Variants in DTNA observed in about 807,000 individuals in gnomAD.
DTNA encodes the protein dystrobrevin alpha.
A neutral mutation model predicts 100.7 loss-of-function variants in DTNA; 43 were observed. That is an observed-to-expected ratio of 0.43 (90% confidence interval 0.33 to 0.55). The LOEUF is 0.55. Among genes scored for constraint, DTNA ranks in the 20% least tolerant of loss-of-function variants. DTNA has a pLI of 0.04. For missense variants in DTNA, 798 were observed against 953.9 expected (o/e 0.84, Z 2.15); for synonymous variants, 349 against 347.9 (o/e 1.00, Z -0.04).
intron 1 of DTNA, among the ~76,000 whole-genome samples, chr18:34,636,204 G>A (rs559937063): frequency 3.9e-5 from 6 of 152,228 alleles, no homozygotes; most frequent in East Asian, 1.9e-4. Context: ...GGAGTGCAGC[G>A]GCATGATCTC....
intron 4 of DTNA, among the ~76,000 whole-genome samples, chr18:34,800,508 G>A (rs189989526): frequency 1.3e-5 from 2 of 152,320 alleles, no homozygotes; most frequent in East Asian, 3.9e-4. Flanking sequence ...GAGGCATGTT[G>A]TGGAAGCAGA....
intron 4 of DTNA, among the ~76,000 whole-genome samples, chr18:34,800,885 C>T (rs1246846037): frequency 6.6e-6 from 1 of 152,114 alleles, no homozygotes; most frequent in African/African-American, 2.4e-5. Flanking sequence ...ATATTCTCTT[C>T]CCTGCAACTT....
Position 34,794,045 on chromosome 18 carries a change from G to A in DTNA, c.157G>A (p.Val53Met), listed in dbSNP as rs745369828. The change falls in exon 4 of 23, where the codon GTG becomes ATG. Residue 53 changes from valine to methionine, a missense_variant. Transcript: ENST00000444659. ...CTCTGCTTTAATTGTAGTGCACCTG[G>A]TGGACATATGGAATGTCATAGAAGC... The part of the protein sequence containing the change: ...FVQKKCNLHL[V>M]DIWNVIEALR... 6.2e-7 allele frequency: 1 copy of A among 1,613,926 alleles called. No homozygotes were observed. The highest frequency in any genetic ancestry group is 1.1e-5 in the South Asian group (1 of 91,048).
intron 5 of DTNA, among the ~76,000 whole-genome samples, chr18:34,809,389 A>T: frequency 6.6e-6 from 1 of 152,170 alleles, no homozygotes. Context: ...CCCAGGAGGC[A>T]GAGGTTGCGT....
chr18:34,656,761 A>T (rs2074432705), intron 1 of DTNA, among the ~76,000 whole-genome samples: 1 of 152,156 alleles, frequency 6.6e-6, no homozygotes. Flanking sequence ...TAGTTGTTAG[A>T]TGTTGAAATG....
chr18:34,669,075 G>T lies in DTNA; in HGVS notation c.-1-86901G>T, dbSNP rs186818701. Among the ~76,000 whole-genome samples, 15 of 152,232 alleles carry T rather than the reference G, an allele frequency of 9.9e-5. No homozygotes were observed. The East Asian group carries it at 2.9e-3, about 29-fold the overall frequency. On this transcript the variant is annotated intron_variant, in intron 1 of 19. Transcript: ENST00000283365. ...TGTGGGAGTCTAAGTCTCTTTGTAG[G>T]TCTCTAAGGGCTTGCTTTATGTATC...
Position 34,717,287 on chromosome 18 carries a change from A to G in DTNA, c.-2+6842A>G, listed in dbSNP as rs577410525. Among the ~76,000 whole-genome samples the G allele has an allele frequency of 4.6e-5, 7 of 152,350 alleles. No homozygotes were observed. The South Asian group carries it at 1.2e-3, about 27-fold the overall frequency. On this transcript the variant is annotated intron_variant, in intron 1 of 22. Transcript: ENST00000444659. ...GAAATAGCCACGTGTGTCTAGTGCT[A>G]TCTTAATAGACAGTGACACTCTAGA...
chr18:34,520,177 C>T (rs1372568281), intron 1 of DTNA, among the ~76,000 whole-genome samples: 1 of 152,192 alleles, frequency 6.6e-6, no homozygotes, highest in Non-Finnish European at 1.5e-5. Flanking sequence ...TCTTTCTGTC[C>T]TGCTCTCTTA....
chr18:34,853,894 A>G, intron 15 of DTNA, among the ~76,000 whole-genome samples: 1 of 152,180 alleles, frequency 6.6e-6, no homozygotes, highest in South Asian at 2.1e-4. Context: ...GCCAAGTCAG[A>G]AAAAAGCATT....
chr18:34,747,973 A>G lies in DTNA; in HGVS notation c.-1-8003A>G, dbSNP rs570105573. 2.6e-5 allele frequency among the ~76,000 whole-genome samples: 4 copies of G among 152,146 alleles called. No individual in the cohort carries two copies. In the East Asian group the frequency reaches 5.8e-4, roughly 22 times the overall value. ...TTTCACCCCATCCACACCAATGTCT[A>G]TTATTTTTTGACATTTTAATTATGG... On this transcript the variant is annotated intron_variant, in intron 1 of 22. Coordinates refer to ENST00000444659, the MANE Select transcript of DTNA (RefSeq NM_001386795.1).
At chr18:34,523,485 T>C (rs1408056953) in intron 1 of DTNA, among the ~76,000 whole-genome samples, 3 of 152,150 alleles carry the variant, frequency 2.0e-5, no homozygotes, top group Admixed American at 2.0e-4. Context: ...CAGATTACCT[T>C]AGATAATTTA....
At chr18:34,636,077 G>C (rs2058639537) in intron 1 of DTNA, among the ~76,000 whole-genome samples, 1 of 152,214 alleles carries the variant, frequency 6.6e-6, no homozygotes. Context: ...TGTGCAGCAA[G>C]TCTTTATGTA....
intron 1 of DTNA, among the ~76,000 whole-genome samples, chr18:34,627,191 C>G (rs1215364204): frequency 1.3e-5 from 2 of 151,926 alleles, no homozygotes; most frequent in Non-Finnish European, 2.9e-5. Flanking sequence ...TCTACCACTT[C>G]AAGAAAGCTG....
intron 13 of DTNA, among the ~76,000 whole-genome samples, chr18:34,845,794 A>G (rs1211172237): frequency 6.6e-6 from 1 of 152,346 alleles, no homozygotes; most frequent in South Asian, 2.1e-4. Context: ...GCTTTAAAGC[A>G]TCAGTTTTCC....
chr18:34,543,215 G>C (rs2044426016), intron 1 of DTNA, among the ~76,000 whole-genome samples: 1 of 151,816 alleles, frequency 6.6e-6, no homozygotes, highest in Admixed American at 6.6e-5. Context: ...CACAAGACCT[G>C]ATACTGCTGT....
intron 1 of DTNA, among the ~76,000 whole-genome samples, chr18:34,741,464 A>G (rs944591274): frequency 6.6e-6 from 1 of 152,198 alleles, no homozygotes; most frequent in Non-Finnish European, 1.5e-5. Flanking sequence ...AGAGCTAACT[A>G]AATATATTGA....
chr18:34,672,069 G>A (rs1021040002), intron 1 of DTNA, among the ~76,000 whole-genome samples: 1 of 152,154 alleles, frequency 6.6e-6, no homozygotes, highest in Non-Finnish European at 1.5e-5. Context: ...GGTATAATGA[G>A]ATGCAGGAGA....
chr18:34,802,510 G>A (rs1245206541), intron 4 of DTNA, among the ~76,000 whole-genome samples: 1 of 152,114 alleles, frequency 6.6e-6, no homozygotes, highest in Non-Finnish European at 1.5e-5. Flanking sequence ...TTTCCATTTG[G>A]GATGTATCAG....
At chr18:34,812,144 T>C in intron 6 of DTNA, 31 bp downstream of exon 6, 1 of 1,613,558 alleles carries the variant, frequency 6.2e-7, no homozygotes, top group East Asian at 2.2e-5. Context: ...AGGAAGTATC[T>C]CTTTCAAACA....
Sources: gnomAD v4.1 joint callset for allele counts (sites outside exome capture counted in the v4.1 genomes callset) on GRCh38, gnomAD v4.1.1 for gene constraint, MANE v1.5 for transcripts, NCBI Gene and HGNC (gene_info 2026-07-23, HGNC 2026-07-21) for gene names.